The following ABCA5 variants were observed in gnomAD, a reference collection of about 807,000 sequenced individuals.
ABCA5 encodes cholesterol transporter ABCA5.
Under a neutral mutation model 206.0 loss-of-function variants are expected in ABCA5, and 163 were observed. The observed-to-expected ratio is 0.79, with a 90% CI of 0.70 to 0.90. The LOEUF (loss-of-function observed/expected upper bound fraction) is 0.90. ABCA5 is among the 40% of genes least tolerant of loss of function. The probability of loss-of-function intolerance (pLI) is 0.00; values close to 1 mark genes in which losing one functional copy is unlikely to be tolerated. For missense variants in ABCA5, 1,859 were observed against 1,912.9 expected (o/e 0.97, Z 0.53); for synonymous variants, 609 against 613.8 (o/e 0.99, Z 0.11).
At chr17:69,324,307 A>C (rs1362592339) in intron 1 of ABCA5, among the ~76,000 whole-genome samples, 2 of 152,238 alleles carry the variant, frequency 1.3e-5, no homozygotes, top group Non-Finnish European at 2.9e-5. Flanking sequence ...CCAGGCAGAA[A>C]GAAAAGAATG....
intron 2 of ABCA5, among the ~76,000 whole-genome samples, chr17:69,313,969 A>C (rs991735987): frequency 7.2e-5 from 11 of 152,160 alleles, no homozygotes. Flanking sequence ...CTCAATCTAG[A>C]GTCCATAAAA....
chr17:69,286,136 C>T (rs1313790451), intron 16 of ABCA5, 85 bp downstream of exon 16: 4 of 1,546,890 alleles, frequency 2.6e-6, no homozygotes, highest in Non-Finnish European at 3.5e-6. Flanking sequence ...AAATGATGGT[C>T]AAAGCATATA....
At chr17:69,248,557 T>C in intron 37 of ABCA5, 1 of 287,014 alleles carries the variant, frequency 3.5e-6, no homozygotes, top group Non-Finnish European at 6.6e-6. Context: ...TTCTAAGTTC[T>C]CCTCCATTAT....
chr17:69,302,962 C>T, intron 7 of ABCA5, 56 bp from the exon 8 acceptor site: 1 of 951,854 alleles, frequency 1.1e-6, no homozygotes, highest in Non-Finnish European at 1.4e-6. Flanking sequence ...AGTATGAAAA[C>T]AAAATTAAAG....
intron 1 of ABCA5, among the ~76,000 whole-genome samples, chr17:69,318,251 TGCTCA>T (rs1193950810): frequency 1.3e-5 from 2 of 151,944 alleles, no homozygotes; most frequent in Non-Finnish European, 2.9e-5. Flanking sequence ...CCTGCCACCA[TGCTCA>T]GCTAATTTTT....
chr17:69,264,735 C>A lies in ABCA5; in HGVS notation c.3315G>T (p.Val1105=). 1 of 1,521,504 alleles carries A rather than the reference C, an allele frequency of 6.6e-7. No individual in the cohort carries two copies. Among genetic ancestry groups the A allele is most frequent in the Admixed American group, 2.2e-5 (1 of 46,020 alleles). The allele number at this position is 1,521,504 out of a possible 1,614,324, so 94.3% of individuals were successfully genotyped here. A position where few individuals can be genotyped will look rare whatever the true frequency, so the allele number is the denominator to read the frequency against. The change falls in exon 24 of 39, where the codon GTG becomes GTT. Residue 1105 remains valine (V), a splice_region_variant and synonymous_variant. Coordinates refer to ENST00000392676, the MANE Select transcript of ABCA5 (RefSeq NM_172232.4). ...ATGAGTACAACTAACGTTAACTTAC[C>A]ACAGCAAGGAACTTTACAGTATAAA... ...LYFYTVKFLA[V]VFCLIGYVPS... is the part of the protein sequence containing the mutation.
At chr17:69,279,172 G>A (rs1045988194) in intron 18 of ABCA5, among the ~76,000 whole-genome samples, 128 of 151,766 alleles carry the variant, frequency 8.4e-4, no homozygotes, top group African/African-American at 3.0e-3. Flanking sequence ...TCAGCTGATA[G>A]GCAACTTCAG....
chr17:69,273,237 T>C (rs2075291867), intron 20 of ABCA5, among the ~76,000 whole-genome samples: 1 of 152,040 alleles, frequency 6.6e-6, no homozygotes, highest in Non-Finnish European at 1.5e-5. Flanking sequence ...TAACTAATTC[T>C]TCAGACTGTC....
chr17:69,268,390 T>C (rs1218148309), intron 22 of ABCA5, among the ~76,000 whole-genome samples: 1 of 152,122 alleles, frequency 6.6e-6, no homozygotes, highest in African/African-American at 2.4e-5. Context: ...GAAAAGCAGT[T>C]AGTATGTCCA....
intron 20 of ABCA5, among the ~76,000 whole-genome samples, chr17:69,273,323 G>A (rs2075293189): frequency 6.6e-6 from 1 of 151,784 alleles, no homozygotes; most frequent in African/African-American, 2.4e-5. Flanking sequence ...TGTAAAGAGG[G>A]TTTTTCAACT....
chr17:69,309,903 C>A (rs983715640), intron 3 of ABCA5, among the ~76,000 whole-genome samples: 1 of 151,888 alleles, frequency 6.6e-6, no homozygotes, highest in Non-Finnish European at 1.5e-5. Flanking sequence ...TAAAATGGTA[C>A]AATGTTGCAG....
intron 22 of ABCA5, among the ~76,000 whole-genome samples, chr17:69,269,197 A>G (rs2075243737): frequency 6.6e-6 from 1 of 152,220 alleles, no homozygotes; most frequent in African/African-American, 2.4e-5. Flanking sequence ...AGACATATGT[A>G]GTAACATCAA....
At chr17:69,256,416 G>T in intron 28 of ABCA5, 133 bp from the exon 29 acceptor site, 1 of 488,162 alleles carries the variant, frequency 2.0e-6, no homozygotes, top group Non-Finnish European at 3.3e-6. Flanking sequence ...CTGAAAGGTG[G>T]AATTATAAGC....
chr17:69,273,549 G>C (rs993963238), intron 20 of ABCA5, among the ~76,000 whole-genome samples: 1 of 151,296 alleles, frequency 6.6e-6, no homozygotes, highest in Non-Finnish European at 1.5e-5. Context: ...TCCGCCTCCC[G>C]GGTTCAAGCG....
At chr17:69,270,576 T>C in intron 22 of ABCA5, 37 bp downstream of exon 22, 1 of 1,529,146 alleles carries the variant, frequency 6.5e-7, no homozygotes, top group Non-Finnish European at 8.8e-7. Flanking sequence ...ATATATGACA[T>C]GCATATGGAA....
At position 69,306,898 on chromosome 17, in the gene ABCA5, CATA is replaced by C. The variant is rs1270066632; in HGVS notation, c.612_614del (p.Ile204del). 1 of 1,589,040 alleles carries C rather than the reference CATA, an allele frequency of 6.3e-7. No individual in the cohort carries two copies. Among genetic ancestry groups the C allele is most frequent in the Non-Finnish European group, 8.6e-7 (1 of 1,166,966 alleles). ...CTATTTCTACAACAGCAGTTTCTCC[CATA>C]ATAACAGCTTTAGTTGACTCCAGCT... On this transcript the variant is annotated inframe_deletion, in exon 6 of 39. Coordinates refer to ENST00000392676, the MANE Select transcript of ABCA5 (RefSeq NM_172232.4).
intron 12 of ABCA5, 32 bp from the exon 13 acceptor site, chr17:69,290,069 T>G: frequency 1.5e-6 from 2 of 1,364,128 alleles, no homozygotes; most frequent in Non-Finnish European, 2.0e-6. Context: ...AAATGTACAT[T>G]AATTATTTTA....
chr17:69,277,625 T>A lies in ABCA5; in HGVS notation c.2594+16A>T, dbSNP rs1464508937. 1 of 1,589,470 alleles carries A rather than the reference T, an allele frequency of 6.3e-7. No homozygotes were observed. Among genetic ancestry groups the A allele is most frequent in the Non-Finnish European group, 8.6e-7 (1 of 1,168,990 alleles). ...AAAAGCAATCCATCAGGTATAAGGGTGATAATTATACTTACACTGATCTCA... is the reference window on the plus strand; with the variant it reads ...AAAAGCAATCCATCAGGTATAAGGGAGATAATTATACTTACACTGATCTCA... On this transcript the variant is annotated intron_variant, in intron 19 of 38. Transcript: ENST00000392676.
At chr17:69,292,534 TTG>T (rs1440773240) in intron 11 of ABCA5, among the ~76,000 whole-genome samples, 1 of 152,216 alleles carries the variant, frequency 6.6e-6, no homozygotes, top group Non-Finnish European at 1.5e-5. Flanking sequence ...AAATAGATTA[TTG>T]TGTCAACTGC....
Sources: gnomAD v4.1 joint callset for allele counts (sites outside exome capture counted in the v4.1 genomes callset) on GRCh38, gnomAD v4.1.1 for gene constraint, MANE v1.5 for transcripts, NCBI Gene and HGNC (gene_info 2026-07-23, HGNC 2026-07-21) for gene names.